The following RBFOX1 variants were observed in gnomAD, a reference collection of about 807,000 sequenced individuals.
The protein encoded by RBFOX1 is RNA binding fox-1 homolog 1, also known as RNA binding protein fox-1 homolog 1.
In RBFOX1, 8 loss-of-function variants were observed where a neutral mutation model predicts 57.7. That is an observed-to-expected ratio of 0.14 (90% CI 0.08 to 0.25). RBFOX1 has a LOEUF of 0.25. Ranked by LOEUF, RBFOX1 falls within the 10% of genes least tolerant of loss-of-function variation. The pLI is 1.00. For missense variants in RBFOX1, 611 were observed against 548.5 expected (o/e 1.11, Z -1.14); for synonymous variants, 326 against 222.4 (o/e 1.47, Z -4.15).
chr16:5,538,030 T>C (rs916717139), intron 2 of RBFOX1, among the ~76,000 whole-genome samples: 5 of 152,142 alleles, frequency 3.3e-5, no homozygotes, highest in Non-Finnish European at 5.9e-5. Flanking sequence ...CATGAATTTC[T>C]CCAGATCTTT....
At chr16:7,537,539 T>G (rs758639707) in intron 5 of RBFOX1, among the ~76,000 whole-genome samples, 4 of 152,210 alleles carry the variant, frequency 2.6e-5, no homozygotes, top group Non-Finnish European at 5.9e-5. Context: ...CTCTTTTTGC[T>G]GCCACCTTCT....
At chr16:6,257,947 G>A (rs1406346454) in intron 1 of RBFOX1, among the ~76,000 whole-genome samples, 1 of 152,022 alleles carries the variant, frequency 6.6e-6, no homozygotes, top group Non-Finnish European at 1.5e-5. Flanking sequence ...CCCAGTAATG[G>A]GATTGCTGAG....
At chr16:6,409,866 C>T (rs912719517) in intron 2 of RBFOX1, among the ~76,000 whole-genome samples, 3 of 152,132 alleles carry the variant, frequency 2.0e-5, no homozygotes, top group Non-Finnish European at 4.4e-5. Context: ...CCTTGAGAGT[C>T]TCGTGGCTGT....
At chr16:6,828,690 C>T (rs189657379) in intron 3 of RBFOX1, among the ~76,000 whole-genome samples, 2 of 151,950 alleles carry the variant, frequency 1.3e-5, no homozygotes, top group African/African-American at 4.8e-5. Flanking sequence ...TGTTAACATC[C>T]TAAGTCACTG....
chr16:6,353,943 A>C (rs2086835372), intron 2 of RBFOX1, among the ~76,000 whole-genome samples: 1 of 152,090 alleles, frequency 6.6e-6, no homozygotes, highest in African/African-American at 2.4e-5. Flanking sequence ...AAGCATAAAC[A>C]CATAAACAGT....
intron 2 of RBFOX1, among the ~76,000 whole-genome samples, chr16:5,594,670 G>A (rs11076938): frequency 0.11 from 17,256 of 152,058 alleles, 1,212 homozygotes; most frequent in East Asian, 0.32. Flanking sequence ...AAAGGAGACA[G>A]TCAGATAGAT....
chr16:6,365,502 T>A (rs924824809), intron 2 of RBFOX1, among the ~76,000 whole-genome samples: 4 of 152,166 alleles, frequency 2.6e-5, no homozygotes, highest in African/African-American at 9.7e-5. Context: ...ATACCTTGGA[T>A]ACATACATGT....
At chr16:7,020,930 C>T (rs1221864510) in intron 3 of RBFOX1, among the ~76,000 whole-genome samples, 5 of 152,108 alleles carry the variant, frequency 3.3e-5, no homozygotes, top group African/African-American at 1.2e-4. Flanking sequence ...AGTTCTAGAC[C>T]AGCATGGCCA....
chr16:6,947,845 T>A (rs79335392), intron 3 of RBFOX1, among the ~76,000 whole-genome samples: 2 of 152,204 alleles, frequency 1.3e-5, no homozygotes, highest in African/African-American at 4.8e-5. Flanking sequence ...CGTGCAATCT[T>A]GGCTCACTGC....
intron 3 of RBFOX1, among the ~76,000 whole-genome samples, chr16:6,784,074 G>C (rs2081495157): frequency 1.3e-5 from 2 of 151,964 alleles, no homozygotes; most frequent in Non-Finnish European, 2.9e-5. Context: ...TCCTCTTTTT[G>C]TCCTTAACCT....
intron 3 of RBFOX1, among the ~76,000 whole-genome samples, chr16:6,673,121 C>G (rs1172133304): frequency 6.6e-6 from 1 of 152,212 alleles, no homozygotes; most frequent in Non-Finnish European, 1.5e-5. Flanking sequence ...TTATAGCAGA[C>G]AGAGGTGCAA....
chr16:6,803,648 T>G (rs1442374264), intron 3 of RBFOX1, among the ~76,000 whole-genome samples: 3 of 152,222 alleles, frequency 2.0e-5, no homozygotes, highest in African/African-American at 7.2e-5. Flanking sequence ...AAAGAATCTT[T>G]CACCATTAAT....
chr16:5,558,542 A>T (rs1057209728), intron 2 of RBFOX1, among the ~76,000 whole-genome samples: 1 of 152,098 alleles, frequency 6.6e-6, no homozygotes, highest in Non-Finnish European at 1.5e-5. Flanking sequence ...CACTCCTGAG[A>T]TCCTTACAAA....
At chr16:6,048,462 C>T (rs371622329) in intron 1 of RBFOX1, among the ~76,000 whole-genome samples, 131 of 152,220 alleles carry the variant, frequency 8.6e-4, no homozygotes, top group African/African-American at 2.8e-3. Context: ...TTAATGTTCC[C>T]GGTAATAATA....
At chr16:6,824,954 C>T (rs529266787) in intron 3 of RBFOX1, among the ~76,000 whole-genome samples, 196 of 114,106 alleles carry the variant, frequency 1.7e-3, no homozygotes, top group African/African-American at 5.3e-3. Context: ...TCCTTCTACA[C>T]TGAGGATTTC....
intron 4 of RBFOX1, among the ~76,000 whole-genome samples, chr16:5,879,351 G>T (rs767298678): frequency 6.6e-6 from 1 of 152,160 alleles, no homozygotes; most frequent in Non-Finnish European, 1.5e-5. Context: ...CTTGCAAATG[G>T]GTTGTGTGCT....
chr16:6,655,721 G>C (rs2098645827), intron 3 of RBFOX1, among the ~76,000 whole-genome samples: 1 of 152,158 alleles, frequency 6.6e-6, no homozygotes, highest in South Asian at 2.1e-4. Context: ...CAAGTTAAGA[G>C]TACATACCTC....
intron 2 of RBFOX1, among the ~76,000 whole-genome samples, chr16:6,635,151 ATATGAG>A (rs1054838108): frequency 6.1e-5 from 9 of 147,156 alleles, no homozygotes; most frequent in Admixed American, 2.7e-4. Context: ...AATGTATATG[ATATGAG>A]TATAATATAT....
chr16:6,681,536 C>A (rs2058650892), intron 3 of RBFOX1, among the ~76,000 whole-genome samples: 1 of 151,914 alleles, frequency 6.6e-6, no homozygotes, highest in Non-Finnish European at 1.5e-5. Flanking sequence ...TGTTTTTCAT[C>A]TCCAAACTTT....
Sources: gnomAD v4.1 joint callset for allele counts (sites outside exome capture counted in the v4.1 genomes callset) on GRCh38, gnomAD v4.1.1 for gene constraint, MANE v1.5 for transcripts, NCBI Gene and HGNC (gene_info 2026-07-23, HGNC 2026-07-21) for gene names.